Variants in NOL4L observed in about 807,000 individuals in gnomAD.
NOL4L encodes nucleolar protein 4 like.
In NOL4L, 7 loss-of-function variants were observed where a neutral mutation model predicts 64.5. The ratio of observed to expected loss-of-function variants is 0.11; its 90% confidence interval spans 0.06 to 0.20. The LOEUF (loss-of-function observed/expected upper bound fraction) is 0.20, where lower values mean the gene tolerates loss of function less well. NOL4L is among the 10% of genes least tolerant of loss of function. The pLI, the probability that NOL4L is intolerant of heterozygous loss-of-function variation, is 1.00. For synonymous variants in NOL4L, 413 were observed against 401.0 expected (o/e 1.03, Z -0.36); for missense variants, 680 against 967.1 (o/e 0.70, Z 3.94).
At chr20:32,559,985 G>A (rs1309189924) in intron 1 of NOL4L, among the ~76,000 whole-genome samples, 1 of 152,296 alleles carries the variant, frequency 6.6e-6, no homozygotes, top group South Asian at 2.1e-4. Context: ...CAAAGGCGGC[G>A]GTGTGCCCGG....
intron 5 of NOL4L, among the ~76,000 whole-genome samples, chr20:32,462,922 A>AAAAAAAAAAAAAAAAAAGAG: frequency 6.7e-6 from 1 of 149,482 alleles, no homozygotes; most frequent in Admixed American, 6.6e-5. Context: ...AAAAAAAAAA[A>AAAAAAAAAAAAAAAAAAGAG]ACTGATTTAA....
chr20:32,467,791 C>A (rs559993295), intron 5 of NOL4L, among the ~76,000 whole-genome samples: 61 of 152,328 alleles, frequency 4.0e-4, no homozygotes, highest in African/African-American at 1.4e-3. Context: ...GGGAACTGAG[C>A]AAGATCTGAG....
At position 32,510,059 on chromosome 20, in the gene NOL4L, C is replaced by T. The variant is rs1420031401; in HGVS notation, c.699+1288G>A. ...ACAACAAAAGCAACACCCTCATTAC[C>T]GACACTCCTGCAGCTCAAACTACTT... On this transcript the variant is annotated intron_variant, in intron 4 of 10. Transcript: ENST00000621426. 2.9e-5 allele frequency: 22 copies of T among 771,546 alleles called. No homozygotes were observed. In the East Asian group the frequency reaches 7.1e-4, roughly 25 times the overall value. The allele number at this position is 771,546 out of a possible 1,614,324, so 47.8% of individuals were successfully genotyped here. A position where few individuals can be genotyped will look rare whatever the true frequency, so the allele number is the denominator to read the frequency against.
At chr20:32,462,917 A>C (rs970518560) in intron 5 of NOL4L, among the ~76,000 whole-genome samples, 3 of 150,694 alleles carry the variant, frequency 2.0e-5, no homozygotes, top group Non-Finnish European at 4.4e-5. Context: ...AAAAAAAAAA[A>C]AAAAAACTGA....
chr20:32,497,104 T>A (rs1342375414), intron 4 of NOL4L, among the ~76,000 whole-genome samples: 1 of 145,538 alleles, frequency 6.9e-6, no homozygotes, highest in Non-Finnish European at 1.5e-5. Context: ...AACACAATCA[T>A]GACCAGGAAA....
At chr20:32,572,807 C>T (rs985915097) in intron 1 of NOL4L, among the ~76,000 whole-genome samples, 2 of 152,008 alleles carry the variant, frequency 1.3e-5, no homozygotes, top group Non-Finnish European at 2.9e-5. Context: ...GCCCAGTTTC[C>T]CTGCACAGGC....
At chr20:32,465,119 T>C (rs1294671681) in intron 5 of NOL4L, 4 of 527,944 alleles carry the variant, frequency 7.6e-6, no homozygotes, top group East Asian at 6.9e-5. Context: ...GGTGGGGCCC[T>C]GGAGACAGAC....
rs570167989 is a variant in NOL4L at position 32,473,855 on chromosome 20, A to G, written c.841+746T>C. Among the ~76,000 whole-genome samples, 30 of 152,254 alleles carry G rather than the reference A, an allele frequency of 2.0e-4. 1 individual carries two copies. Among genetic ancestry groups the G allele is most frequent in the Middle Eastern group, 3.4e-3 (1 of 294 alleles). Reference sequence around the variant, plus strand: ...CCAACCATCTCCTCCACGGAAACAAAGGCGATGCTGGGGTGCTGTGCTCAC... The same window carrying G: ...CCAACCATCTCCTCCACGGAAACAAGGGCGATGCTGGGGTGCTGTGCTCAC... On this transcript the variant is annotated intron_variant, in intron 5 of 10. Coordinates refer to ENST00000621426, the MANE Select transcript of NOL4L (RefSeq NM_001256798.2).
chr20:32,525,753 T>C (rs941941381), intron 2 of NOL4L, among the ~76,000 whole-genome samples: 6 of 151,978 alleles, frequency 3.9e-5, no homozygotes, highest in South Asian at 2.1e-4. Flanking sequence ...AATTTTTTAA[T>C]ATATTTTTTA....
intron 2 of NOL4L, among the ~76,000 whole-genome samples, chr20:32,521,693 G>A (rs1166352282): frequency 6.6e-6 from 1 of 152,162 alleles, no homozygotes; most frequent in African/African-American, 2.4e-5. Context: ...GGGGGAGTGG[G>A]GAAGAAGTGG....
intron 5 of NOL4L, among the ~76,000 whole-genome samples, chr20:32,467,729 C>CA (rs2014674207): frequency 6.6e-6 from 1 of 152,184 alleles, no homozygotes; most frequent in African/African-American, 2.4e-5. Flanking sequence ...CCAAGATGAT[C>CA]ACCCCCAGCC....
chr20:32,537,031 A>T, intron 1 of NOL4L: 2 of 973,628 alleles, frequency 2.1e-6, no homozygotes, highest in Non-Finnish European at 2.4e-6. Flanking sequence ...CGGCCCCGCC[A>T]ACCGGCTCCC....
At chr20:32,484,145 C>CG (rs1199547255) in intron 4 of NOL4L, among the ~76,000 whole-genome samples, 1 of 152,104 alleles carries the variant, frequency 6.6e-6, no homozygotes, top group Non-Finnish European at 1.5e-5. Context: ...TCTCGGCGCC[C>CG]GGGGCCCCTT....
At chr20:32,509,919 G>T (rs1279902736) in intron 4 of NOL4L, 1 of 1,304,196 alleles carries the variant, frequency 7.7e-7, no homozygotes. Flanking sequence ...ACGAAGCCAG[G>T]TGCCGGAGAC....
At chr20:32,462,869 G>A (rs1290842054) in intron 5 of NOL4L, among the ~76,000 whole-genome samples, 3 of 131,016 alleles carry the variant, frequency 2.3e-5, no homozygotes, top group Non-Finnish European at 4.6e-5. Context: ...CGCGCCATTG[G>A]ACTTCAGCCT....
intron 1 of NOL4L, among the ~76,000 whole-genome samples, chr20:32,550,833 T>C (rs1338918153): frequency 1.3e-5 from 2 of 150,738 alleles, no homozygotes; most frequent in African/African-American, 4.9e-5. Flanking sequence ...TGAGCCAAGA[T>C]CATGCCACCA....
chr20:32,573,728 C>G (rs1024398372), intron 1 of NOL4L: 3 of 167,240 alleles, frequency 1.8e-5, no homozygotes, highest in Non-Finnish European at 3.9e-5. Flanking sequence ...TCCAGACCCC[C>G]ACTGCTCTGC....
rs1185143738 is a variant in NOL4L, at chr20:32,463,996, ACT to A, written c.842-7603_842-7602del. Among the ~76,000 whole-genome samples the A allele has an allele frequency of 8.6e-5, 13 of 150,394 alleles. No homozygotes were observed. Among genetic ancestry groups the A allele is most frequent in the Admixed American group, 2.0e-4 (3 of 15,108 alleles). On this transcript the variant is annotated intron_variant, in intron 5 of 10. Transcript: ENST00000621426. This position sits in a 1 kb window ranked among gnomAD's most constrained non-coding sequence, Gnocchi z 5.8. ...CTGGAGGCAGTGCCGCCTCCATGAG[ACT>A]CTGTCACAGCAGCAGCCAGGCGGGG... is the stretch of plus-strand genomic sequence containing the variant.
intron 4 of NOL4L, chr20:32,475,388 C>T (rs903675396): frequency 4.5e-5 from 44 of 974,890 alleles, no homozygotes; most frequent in East Asian, 2.3e-4. Context: ...GGCCAGGGTT[C>T]GGACCAGACC....
Sources: allele counts gnomAD v4.1 joint callset (sites outside exome capture counted in the v4.1 genomes callset), GRCh38; gene constraint gnomAD v4.1.1; non-coding constraint Gnocchi (gnomAD v3.1); transcripts MANE v1.5; gene names NCBI Gene and HGNC (gene_info 2026-07-23, HGNC 2026-07-21).